ATF7IP2: variants seen among roughly 807,000 people sequenced by gnomAD.
The protein encoded by ATF7IP2 is activating transcription factor 7-interacting protein 2.
In ATF7IP2, 42 loss-of-function variants were observed where a neutral mutation model predicts 64.2. That is an observed-to-expected ratio of 0.65 (90% CI 0.51 to 0.85). The LOEUF (loss-of-function observed/expected upper bound fraction) is 0.85. ATF7IP2 is among the 40% of genes least tolerant of loss of function. ATF7IP2 has a pLI of 0.00. For missense variants in ATF7IP2, 933 were observed against 784.2 expected, an observed-to-expected ratio of 1.19 and a Z score of -2.27; for synonymous variants, 308 against 272.8, an observed-to-expected ratio of 1.13 and a Z score of -1.27.
intron 9 of ATF7IP2, among the ~76,000 whole-genome samples, chr16:10,468,809 T>G (rs2142055870): frequency 6.6e-6 from 1 of 152,304 alleles, no homozygotes; most frequent in African/African-American, 2.4e-5. Context: ...CATCTTGTTT[T>G]CCCCCTGGCT....
At chr16:10,404,856 C>T (rs1488431233) in intron 1 of ATF7IP2, among the ~76,000 whole-genome samples, 1 of 151,928 alleles carries the variant, frequency 6.6e-6, no homozygotes, top group Non-Finnish European at 1.5e-5. Context: ...AGTAACCTTA[C>T]AAGTCAGAAT....
intron 6 of ATF7IP2, among the ~76,000 whole-genome samples, chr16:10,434,640 G>C (rs2048360165): frequency 6.6e-6 from 1 of 152,192 alleles, no homozygotes; most frequent in Admixed American, 6.5e-5. Flanking sequence ...AAAGGAGACA[G>C]TAAAAAATAT....
At chr16:10,465,723 A>G (rs1288978324) in intron 9 of ATF7IP2, among the ~76,000 whole-genome samples, 1 of 149,608 alleles carries the variant, frequency 6.7e-6, no homozygotes, top group Non-Finnish European at 1.5e-5. Flanking sequence ...TGGGCAACAG[A>G]ACGAGACTCC....
intron 3 of ATF7IP2, among the ~76,000 whole-genome samples, chr16:10,423,551 A>T (rs2048027717): frequency 6.6e-6 from 1 of 152,166 alleles, no homozygotes; most frequent in Admixed American, 6.5e-5. Flanking sequence ...CGCTCAAGGC[A>T]CTGCCCAAAC....
intron 12 of ATF7IP2, among the ~76,000 whole-genome samples, chr16:10,475,210 G>C (rs562688310): frequency 1.3e-5 from 2 of 152,292 alleles, no homozygotes; most frequent in African/African-American, 4.8e-5. Flanking sequence ...GAAAACAGTA[G>C]TGCAAAAGAT....
At chr16:10,434,708 C>T (rs1332789516) in intron 6 of ATF7IP2, among the ~76,000 whole-genome samples, 4 of 152,110 alleles carry the variant, frequency 2.6e-5, no homozygotes, top group Admixed American at 2.6e-4. Context: ...TGGATCCTAG[C>T]CCTAAGGACC....
chr16:10,463,676 A>C (rs561632968), intron 9 of ATF7IP2, among the ~76,000 whole-genome samples: 1 of 152,166 alleles, frequency 6.6e-6, no homozygotes, highest in South Asian at 2.1e-4. Flanking sequence ...GAACTCCTGA[A>C]CTACACGACT....
At chr16:10,433,698 A>G (rs1280756652) in intron 6 of ATF7IP2, 49 bp downstream of exon 6, 3 of 1,590,488 alleles carry the variant, frequency 1.9e-6, no homozygotes, top group South Asian at 2.2e-5. Context: ...TTAGTAAAAC[A>G]TGGTAAAAGT....
intron 1 of ATF7IP2, among the ~76,000 whole-genome samples, chr16:10,410,534 T>C (rs2047738218): frequency 6.6e-6 from 1 of 152,162 alleles, no homozygotes; most frequent in South Asian, 2.1e-4. Flanking sequence ...TTTGGAGGAC[T>C]CTTTAGGGTT....
Position 10,480,894 on chromosome 16 carries a change from C to A in ATF7IP2, c.1565C>A (p.Pro522His). 3 of 1,611,104 alleles carry A rather than the reference C, an allele frequency of 1.9e-6. No homozygotes were observed. Among genetic ancestry groups the A allele is most frequent in the Non-Finnish European group, 2.5e-6 (3 of 1,177,454 alleles). The change falls in exon 13 of 14, where the codon CCC (proline) becomes CAC (histidine). Residue 522 changes from proline to histidine, a missense_variant. Coordinates refer to ENST00000562102, the MANE Select transcript of ATF7IP2 (RefSeq NM_001393719.1). ...TTGTTCACAGAAAGTCCAGTATCCC[C>A]CCTGGAGTCACATTCGAAAGCTGCT... Reference protein sequence around the residue: ...SNCNTESPVSPLESHSKAASN... With the variant: ...SNCNTESPVSHLESHSKAASN...
intron 2 of ATF7IP2, among the ~76,000 whole-genome samples, chr16:10,416,522 G>C (rs1465653012): frequency 6.6e-6 from 1 of 152,198 alleles, no homozygotes; most frequent in East Asian, 1.9e-4. Flanking sequence ...GCCAGGCACA[G>C]TGGCTTACAC....
At chr16:10,452,402 C>T (rs946473236) in intron 8 of ATF7IP2, among the ~76,000 whole-genome samples, 4 of 152,152 alleles carry the variant, frequency 2.6e-5, no homozygotes, top group African/African-American at 4.8e-5. Flanking sequence ...GGTCCACTCC[C>T]GACCTTGTTT....
At chr16:10,440,131 G>C (rs1390637796) in intron 7 of ATF7IP2, among the ~76,000 whole-genome samples, 2 of 152,014 alleles carry the variant, frequency 1.3e-5, no homozygotes, top group East Asian at 3.9e-4. Context: ...TTGCACGCCA[G>C]CATGGGCAAC....
intron 13 of ATF7IP2, among the ~76,000 whole-genome samples, chr16:10,481,410 G>A (rs926778828): frequency 3.5e-5 from 3 of 85,308 alleles, no homozygotes; most frequent in East Asian, 3.8e-4. Context: ...GGGATTTCCC[G>A]AGTAGCTGGG....
intron 3 of ATF7IP2, among the ~76,000 whole-genome samples, chr16:10,421,860 C>T (rs569646502): frequency 5.3e-5 from 8 of 152,336 alleles, no homozygotes; most frequent in African/African-American, 1.9e-4. Flanking sequence ...TAGCAGGCTG[C>T]AGGTTGTTTA....
intron 5 of ATF7IP2, among the ~76,000 whole-genome samples, chr16:10,432,684 C>T (rs1439388633): frequency 6.6e-6 from 1 of 152,206 alleles, no homozygotes. Context: ...GCCTGGCCAA[C>T]ATGGCGAAAC....
At chr16:10,392,411 G>C (rs866842526) in intron 1 of ATF7IP2, among the ~76,000 whole-genome samples, 1 of 151,166 alleles carries the variant, frequency 6.6e-6, no homozygotes, top group Admixed American at 6.6e-5. Flanking sequence ...TTGAGCCTTG[G>C]CCTCCCAGAG....
At chr16:10,400,500 G>A (rs970922412) in intron 1 of ATF7IP2, among the ~76,000 whole-genome samples, 2 of 152,144 alleles carry the variant, frequency 1.3e-5, no homozygotes, top group African/African-American at 4.8e-5. Context: ...CTTGATTGCT[G>A]TGGCCTCCAG....
Position 10,482,204 on chromosome 16 carries a change from C to T in ATF7IP2, c.2004C>T (p.Phe668=). The change falls in exon 14 of 14, where the codon TTC becomes TTT. Residue 668 remains phenylalanine (F), a synonymous_variant. Transcript: ENST00000562102. Reference sequence around the variant, plus strand: ...ATATTTTTGGACGATATGGACCATTCTGTGATATAAAATCTATCCCTGGGT... The same window carrying T: ...ATATTTTTGGACGATATGGACCATTTTGTGATATAAAATCTATCCCTGGGT... The part of the protein sequence containing the change: ...SKDIFGRYGP[F]CDIKSIPGFS... 1 of 1,608,220 alleles carries T rather than the reference C, an allele frequency of 6.2e-7. No homozygotes were observed. Among genetic ancestry groups the T allele is most frequent in the Non-Finnish European group, 8.5e-7 (1 of 1,177,784 alleles).
Sources: allele counts gnomAD v4.1 joint callset (sites outside exome capture counted in the v4.1 genomes callset), GRCh38; gene constraint gnomAD v4.1.1; transcripts MANE v1.5; gene names NCBI Gene and HGNC (gene_info 2026-07-23, HGNC 2026-07-21).